Variants in ANK3 observed in about 807,000 individuals in gnomAD.
The protein encoded by ANK3 is ankyrin 3.
A neutral mutation model predicts 370.9 loss-of-function variants in ANK3; 57 were observed. That is an observed-to-expected ratio of 0.15 (90% CI 0.12 to 0.19). The LOEUF (loss-of-function observed/expected upper bound fraction) is 0.19. Among genes scored for constraint, ANK3 ranks in the 10% least tolerant of loss-of-function variants. The pLI is 1.00. For synonymous variants in ANK3, 1,929 were observed against 1,946.3 expected (o/e 0.99, Z 0.23); for missense variants, 4,439 against 5,302.1 (o/e 0.84, Z 5.06).
intron 2 of ANK3, among the ~76,000 whole-genome samples, chr10:60,610,658 G>C (rs2078188645): frequency 1.3e-5 from 1 of 76,744 alleles, no homozygotes; most frequent in Non-Finnish European, 3.0e-5. Context: ...TCATTTTCCA[G>C]GGCAAATAAT....
At chr10:60,660,649 T>C (rs142579660) in intron 1 of ANK3, among the ~76,000 whole-genome samples, 213 of 152,114 alleles carry the variant, frequency 1.4e-3, no homozygotes, top group Non-Finnish European at 2.3e-3. Flanking sequence ...AGAAATGCGA[T>C]GGAATAGGGA....
At chr10:60,468,920 T>C (rs2065073514) in intron 2 of ANK3, among the ~76,000 whole-genome samples, 1 of 147,546 alleles carries the variant, frequency 6.8e-6, no homozygotes, top group Non-Finnish European at 1.5e-5. Context: ...TGTGCATGTA[T>C]GTGTGTGTGT....
chr10:60,064,567 C>T (rs901196003), intron 38 of ANK3, among the ~76,000 whole-genome samples: 7 of 152,066 alleles, frequency 4.6e-5, no homozygotes, highest in Non-Finnish European at 1.0e-4. Flanking sequence ...GTGGCCCATA[C>T]CTATAATCCC....
chr10:60,262,950 T>A (rs2097828805), intron 6 of ANK3, among the ~76,000 whole-genome samples: 4 of 152,168 alleles, frequency 2.6e-5, no homozygotes, highest in Admixed American at 2.6e-4. Context: ...ATCAAACTAC[T>A]GCTATCTTAT....
At chr10:60,096,129 T>A (rs1470420214) in intron 28 of ANK3, among the ~76,000 whole-genome samples, 1 of 152,052 alleles carries the variant, frequency 6.6e-6, no homozygotes, top group African/African-American at 2.4e-5. Flanking sequence ...GCCAAGATCA[T>A]GCCACTGCAC....
rs145049636 is a variant in ANK3 at position 60,054,413 on chromosome 10, A to T, written c.13065+1245T>A. On this transcript the variant is annotated intron_variant, in intron 42 of 43. Coordinates refer to ENST00000280772, the MANE Select transcript of ANK3 (RefSeq NM_020987.5). Reference sequence around the variant, plus strand: ...AAAACTAAAACAAAACCATTAATAAAAATTTAGTGAAGGCAGTTATTAAAT... The same window carrying T: ...AAAACTAAAACAAAACCATTAATAATAATTTAGTGAAGGCAGTTATTAAAT... Among the ~76,000 whole-genome samples the T allele has an allele frequency of 2.5e-3, 374 of 152,336 alleles. 2 individuals carry two copies. The highest frequency in any genetic ancestry group is 8.6e-3 in the African/African-American group (358 of 41,582).
At chr10:60,100,868 G>C (rs1475491104) in intron 28 of ANK3, among the ~76,000 whole-genome samples, 1 of 152,184 alleles carries the variant, frequency 6.6e-6, no homozygotes, top group Non-Finnish European at 1.5e-5. Context: ...GCACTGTCCA[G>C]TAAAAATATA....
intron 18 of ANK3, among the ~76,000 whole-genome samples, chr10:60,178,475 A>G (rs187728126): frequency 3.3e-5 from 5 of 152,162 alleles, no homozygotes; most frequent in Non-Finnish European, 7.3e-5. Flanking sequence ...AATAAATGAA[A>G]AGCACTTAGA....
At chr10:60,083,439 C>G in intron 33 of ANK3, 53 bp downstream of exon 33, 1 of 1,551,012 alleles carries the variant, frequency 6.4e-7, no homozygotes, top group Non-Finnish European at 8.8e-7. Flanking sequence ...TTTTTATTCT[C>G]TAAGAGTATT....
At chr10:60,200,061 C>G in intron 13 of ANK3, 68 bp downstream of exon 13, 2 of 1,284,458 alleles carry the variant, frequency 1.6e-6, no homozygotes, top group Admixed American at 3.6e-5. Context: ...CATGTATATA[C>G]TTAAAAGTTT....
At chr10:60,139,173 C>A in intron 23 of ANK3, 86 bp from the exon 24 acceptor site, 2 of 1,495,848 alleles carry the variant, frequency 1.3e-6, no homozygotes, top group South Asian at 1.3e-5. Context: ...TGGTTATCAG[C>A]AAATCCCCCA....
At chr10:60,234,813 T>G (rs2097303377) in intron 7 of ANK3, 27 bp from the exon 8 acceptor site, 2 of 1,500,874 alleles carry the variant, frequency 1.3e-6, no homozygotes, top group Non-Finnish European at 1.9e-6. Flanking sequence ...AAAGTACAGA[T>G]TTGATATTTT....
chr10:60,665,608 A>T (rs1372077994), intron 1 of ANK3, among the ~76,000 whole-genome samples: 2 of 152,222 alleles, frequency 1.3e-5, no homozygotes, highest in Non-Finnish European at 2.9e-5. Flanking sequence ...GTTTTAAGAT[A>T]AATACAGTTG....
intron 18 of ANK3, among the ~76,000 whole-genome samples, chr10:60,177,399 C>T (rs1256282385): frequency 6.6e-6 from 1 of 152,024 alleles, no homozygotes; most frequent in African/African-American, 2.4e-5. Flanking sequence ...ACTTGATTGG[C>T]CCCCAGTAAT....
intron 2 of ANK3, among the ~76,000 whole-genome samples, chr10:60,468,529 A>G (rs1180319271): frequency 6.6e-6 from 1 of 152,100 alleles, no homozygotes; most frequent in Non-Finnish European, 1.5e-5. Context: ...CACATTTTAC[A>G]TACTGGACTC....
intron 2 of ANK3, among the ~76,000 whole-genome samples, chr10:60,399,385 C>T (rs2063309486): frequency 6.6e-6 from 1 of 152,148 alleles, no homozygotes; most frequent in East Asian, 1.9e-4. Flanking sequence ...ACCCCATCCT[C>T]CTCCCTCCCA....
At chr10:60,258,010 A>G (rs1194433967) in intron 7 of ANK3, among the ~76,000 whole-genome samples, 3 of 152,236 alleles carry the variant, frequency 2.0e-5, no homozygotes, top group Non-Finnish European at 2.9e-5. Flanking sequence ...CAAAGTATTA[A>G]TCTATCTTAT....
At chr10:60,419,091 T>C (rs1402015059) in intron 2 of ANK3, among the ~76,000 whole-genome samples, 1 of 152,210 alleles carries the variant, frequency 6.6e-6, no homozygotes, top group Non-Finnish European at 1.5e-5. Flanking sequence ...TCCAACCTCC[T>C]ACTGAATATA....
At position 60,059,349 on chromosome 10, in the gene ANK3, A is replaced by G. The variant is rs755842197; in HGVS notation, c.12677T>C (p.Leu4226Pro). ...RRVTGGLLDR[L>P]DDSPDQCRDS... ...TTTGAAACAGCCATACCTGTCATCC[A>G]GTCGATCTAGTAACCCACCAGTTAC... is the stretch of plus-strand genomic sequence containing the variant. Residue 4226 changes from leucine to proline, a missense_variant, in exon 41 of 44, where the codon CTG (leucine) becomes CCG (proline). Around this residue, in one of 13 missense-constraint regions of ANK3, gnomAD observed 242 missense variants for 228.0 expected, o/e 1.06. Transcript: ENST00000280772. 9 of 1,613,976 alleles carry G rather than the reference A, an allele frequency of 5.6e-6. No homozygotes were observed. The highest frequency in any genetic ancestry group is 8.5e-7 in the Non-Finnish European group (1 of 1,179,876).
Sources: gnomAD v4.1 joint callset for allele counts (sites outside exome capture counted in the v4.1 genomes callset) on GRCh38, gnomAD v4.1.1 for gene constraint, gnomAD v4.1.1 regional missense constraint, MANE v1.5 for transcripts, NCBI Gene and HGNC (gene_info 2026-07-23, HGNC 2026-07-21) for gene names.